Variants in DDAH1 observed in about 807,000 individuals in gnomAD.
DDAH1 encodes dimethylarginine dimethylaminohydrolase 1.
In DDAH1, 19 loss-of-function variants were observed where a neutral mutation model predicts 28.8. The observed-to-expected ratio is 0.66, with a 90% CI of 0.46 to 0.97. The LOEUF (loss-of-function observed/expected upper bound fraction) is 0.97, where lower values mean the gene tolerates loss of function less well. Among genes scored for constraint, DDAH1 ranks in the 50% least tolerant of loss-of-function variants. The probability of loss-of-function intolerance (pLI) is 0.00; values close to 1 mark genes in which losing one functional copy is unlikely to be tolerated. For missense variants in DDAH1, 326 were observed against 375.9 expected (o/e 0.87, Z 1.10); for synonymous variants, 153 against 154.4 (o/e 0.99, Z 0.07).
At chr1:85,474,303 A>G (rs544065558) in intron 2 of DDAH1, among the ~76,000 whole-genome samples, 31 of 152,322 alleles carry the variant, frequency 2.0e-4, no homozygotes, top group African/African-American at 6.7e-4. Context: ...TCTAACTGCC[A>G]TTGTCTTGTC....
At chr1:85,507,853 C>G (rs967141474) in intron 1 of DDAH1, among the ~76,000 whole-genome samples, 6 of 152,188 alleles carry the variant, frequency 3.9e-5, no homozygotes, top group African/African-American at 1.4e-4. Context: ...TAGAATATCT[C>G]AAATTCAGAT....
At chr1:85,354,666 TA>T (rs1207217155) in intron 2 of DDAH1, among the ~76,000 whole-genome samples, 1 of 151,766 alleles carries the variant, frequency 6.6e-6, no homozygotes, top group Non-Finnish European at 1.5e-5. Flanking sequence ...TAAGTTTTTT[TA>T]AAAAAAACCT....
At chr1:85,506,877 C>T (rs1657036946) in intron 1 of DDAH1, among the ~76,000 whole-genome samples, 1 of 152,030 alleles carries the variant, frequency 6.6e-6, no homozygotes. Flanking sequence ...CATAGGAGGC[C>T]ACCACAAAGG....
At position 85,320,350 on chromosome 1, in the gene DDAH1, T is replaced by C. The variant is rs1190343062; in HGVS notation, c.*1102A>G. The C allele has an allele frequency of 6.6e-6, 1 of 152,624 alleles. No individual in the cohort carries two copies. Among genetic ancestry groups the C allele is most frequent in the Non-Finnish European group, 1.5e-5 (1 of 68,038 alleles). The allele number at this position is 152,624 out of a possible 1,614,324, so 9.5% of individuals were successfully genotyped here. ...GGTGATCGCTTCCTGAACATGTTCA[T>C]TGACCATGAGGAGCTGTTTACTCTG... On this transcript the variant is annotated 3_prime_UTR_variant, in exon 6 of 6. Transcript: ENST00000284031.
chr1:85,411,959 AT>A (rs1404041346), intron 1 of DDAH1, among the ~76,000 whole-genome samples: 2 of 152,172 alleles, frequency 1.3e-5, no homozygotes, highest in Non-Finnish European at 2.9e-5. Flanking sequence ...GCCTGCAGGA[AT>A]TTTCTCCACT....
chr1:85,563,700 TA>T (rs1410889663), intron 1 of DDAH1, among the ~76,000 whole-genome samples: 1 of 152,156 alleles, frequency 6.6e-6, no homozygotes, highest in African/African-American at 2.4e-5. Context: ...GGAGAAAAAT[TA>T]ATCAATGTAA....
At chr1:85,454,884 A>T (rs1265528691) in intron 1 of DDAH1, among the ~76,000 whole-genome samples, 1 of 152,180 alleles carries the variant, frequency 6.6e-6, no homozygotes, top group Non-Finnish European at 1.5e-5. Context: ...CTCAGAGATT[A>T]GGGAGGCCGA....
intron 1 of DDAH1, among the ~76,000 whole-genome samples, chr1:85,422,034 T>C (rs1288232266): frequency 6.6e-6 from 1 of 152,194 alleles, no homozygotes; most frequent in African/African-American, 2.4e-5. Context: ...TTACTAGCAA[T>C]AAAAAGAGTA....
At chr1:85,521,042 C>T (rs1485589336) in intron 1 of DDAH1, among the ~76,000 whole-genome samples, 2 of 152,150 alleles carry the variant, frequency 1.3e-5, no homozygotes, top group Non-Finnish European at 2.9e-5. Flanking sequence ...CTCTCCAGGG[C>T]CAGGTACAGT....
chr1:85,333,594 T>A, intron 4 of DDAH1, among the ~76,000 whole-genome samples: 1 of 150,402 alleles, frequency 6.6e-6, no homozygotes, highest in African/African-American at 2.5e-5. Flanking sequence ...AAAAAACAAC[T>A]CAGGGTATGA....
At chr1:85,419,364 C>G (rs1204626226) in intron 1 of DDAH1, among the ~76,000 whole-genome samples, 8 of 151,706 alleles carry the variant, frequency 5.3e-5, no homozygotes, top group Non-Finnish European at 8.8e-5. Context: ...TATGATGAAG[C>G]CCTGTCTCTA....
intron 1 of DDAH1, among the ~76,000 whole-genome samples, chr1:85,574,772 G>T (rs554861251): frequency 2.6e-5 from 4 of 152,162 alleles, no homozygotes; most frequent in East Asian, 3.8e-4. Flanking sequence ...TAGTCCAGGC[G>T]CTATGGCTCA....
At chr1:85,369,612 T>C (rs1240797592) in intron 1 of DDAH1, among the ~76,000 whole-genome samples, 4 of 152,182 alleles carry the variant, frequency 2.6e-5, no homozygotes, top group African/African-American at 9.6e-5. Context: ...TGCTTAGTCA[T>C]TCAACAAACA....
chr1:85,333,944 T>C (rs1165193639), intron 4 of DDAH1, among the ~76,000 whole-genome samples: 2 of 152,174 alleles, frequency 1.3e-5, no homozygotes, highest in African/African-American at 2.4e-5. Flanking sequence ...GATTCCAAAA[T>C]AGATACAACC....
intron 1 of DDAH1, among the ~76,000 whole-genome samples, chr1:85,541,144 G>T (rs781275047): frequency 6.6e-6 from 1 of 152,058 alleles, no homozygotes; most frequent in Non-Finnish European, 1.5e-5. Flanking sequence ...TTGAGATGTC[G>T]TGTTTCAAGA....
intron 2 of DDAH1, among the ~76,000 whole-genome samples, chr1:85,470,250 A>T (rs542109): frequency 0.12 from 18,069 of 152,254 alleles, 1,154 homozygotes; most frequent in East Asian, 0.21. Flanking sequence ...GAGGCCTTAC[A>T]ATCATGGTGG....
chr1:85,333,182 G>T (rs233058), intron 4 of DDAH1, among the ~76,000 whole-genome samples: 52,792 of 151,850 alleles, frequency 0.35, 9,259 homozygotes, highest in South Asian at 0.4. Flanking sequence ...TACTAACAAC[G>T]GCAGCCTACG....
chr1:85,565,599 G>C (rs1183065879), intron 1 of DDAH1, among the ~76,000 whole-genome samples: 1 of 152,088 alleles, frequency 6.6e-6, no homozygotes, highest in East Asian at 1.9e-4. Flanking sequence ...ATAAAAAAAA[G>C]TTTTTCAGAT....
intron 1 of DDAH1, among the ~76,000 whole-genome samples, chr1:85,496,960 T>C (rs1656615453): frequency 6.6e-6 from 1 of 152,238 alleles, no homozygotes; most frequent in South Asian, 2.1e-4. Context: ...GAGGACATTC[T>C]GCATAAAGGA....
Sources: gnomAD v4.1 joint callset for allele counts (sites outside exome capture counted in the v4.1 genomes callset) on GRCh38, gnomAD v4.1.1 for gene constraint, MANE v1.5 for transcripts, NCBI Gene and HGNC (gene_info 2026-07-23, HGNC 2026-07-21) for gene names.